UGGT2: variants seen among roughly 807,000 people sequenced by gnomAD.
UGGT2 encodes UDP-glucose:glycoprotein glucosyltransferase 2.
A neutral mutation model predicts 192.1 loss-of-function variants in UGGT2; 180 were observed. The observed-to-expected ratio is 0.94, with a 90% confidence interval of 0.83 to 1.06. The LOEUF is 1.06. Ranked by LOEUF, UGGT2 falls within the 50% of genes least tolerant of loss-of-function variation. UGGT2 has a pLI of 0.00. For synonymous variants in UGGT2, 580 were observed against 591.0 expected, an observed-to-expected ratio of 0.98 and a Z score of 0.27; for missense variants, 1,849 against 1,795.7, an observed-to-expected ratio of 1.03 and a Z score of -0.54.
chr13:95,887,104 A>G (rs929343715), intron 26 of UGGT2, among the ~76,000 whole-genome samples: 3 of 152,210 alleles, frequency 2.0e-5, no homozygotes, highest in Non-Finnish European at 2.9e-5. Context: ...CATCTATAGT[A>G]TGTCAGTTGT....
At chr13:95,941,030 G>T (rs1223170640) in intron 15 of UGGT2, among the ~76,000 whole-genome samples, 1 of 152,118 alleles carries the variant, frequency 6.6e-6, no homozygotes, top group African/African-American at 2.4e-5. Flanking sequence ...AGTACTTAGA[G>T]ATCCTCTATG....
At chr13:95,921,545 C>A (rs980785432) in intron 20 of UGGT2, among the ~76,000 whole-genome samples, 3 of 151,734 alleles carry the variant, frequency 2.0e-5, no homozygotes, top group African/African-American at 7.3e-5. Context: ...AAAAAAGAAA[C>A]ATTAACTGGC....
At chr13:95,946,520 C>T (rs776360592) in intron 15 of UGGT2, among the ~76,000 whole-genome samples, 2 of 152,212 alleles carry the variant, frequency 1.3e-5, no homozygotes. Context: ...AGGCATGTGC[C>T]GCTGCACCTG....
At chr13:95,812,047 G>T (rs984186292) in intron 38 of UGGT2, among the ~76,000 whole-genome samples, 2 of 152,068 alleles carry the variant, frequency 1.3e-5, no homozygotes, top group South Asian at 2.1e-4. Context: ...TAAATGAAAG[G>T]TTAGCAAACT....
intron 7 of UGGT2, chr13:95,990,297 G>A (rs1043812819): frequency 3.8e-6 from 1 of 264,468 alleles, no homozygotes; most frequent in South Asian, 1.0e-4. Flanking sequence ...ACAAAATCTG[G>A]AGGAATATAC....
At chr13:95,834,589 A>C (rs1158791574) in intron 37 of UGGT2, among the ~76,000 whole-genome samples, 1 of 151,992 alleles carries the variant, frequency 6.6e-6, no homozygotes, top group Non-Finnish European at 1.5e-5. Flanking sequence ...TTCCTTGGGA[A>C]TTTTCTGCAT....
chr13:96,044,285 G>A (rs1352474937), intron 1 of UGGT2, among the ~76,000 whole-genome samples: 1 of 152,100 alleles, frequency 6.6e-6, no homozygotes, highest in Non-Finnish European at 1.5e-5. Context: ...AAATCAAGAT[G>A]GAAATTTAAA....
At chr13:95,846,341 C>T (rs984452490) in intron 36 of UGGT2, among the ~76,000 whole-genome samples, 3 of 151,158 alleles carry the variant, frequency 2.0e-5, no homozygotes, top group Admixed American at 6.6e-5. Flanking sequence ...AGGAGAATCA[C>T]GCAGGGAAGT....
intron 13 of UGGT2, among the ~76,000 whole-genome samples, 157 bp downstream of exon 13, chr13:95,949,178 T>C (rs1306478875): frequency 1.3e-5 from 2 of 152,222 alleles, no homozygotes; most frequent in East Asian, 1.9e-4. Flanking sequence ...TGGCTAGTTG[T>C]TGATACCCAG....
intron 31 of UGGT2, among the ~76,000 whole-genome samples, chr13:95,861,152 G>T (rs1207112403): frequency 6.6e-6 from 1 of 151,952 alleles, no homozygotes; most frequent in Non-Finnish European, 1.5e-5. Flanking sequence ...GTTGCCAAAG[G>T]TTGTTTTCAG....
chr13:95,981,149 A>C (rs1435213492), intron 10 of UGGT2, among the ~76,000 whole-genome samples: 1 of 152,140 alleles, frequency 6.6e-6, no homozygotes. Context: ...CAGTACCCCC[A>C]AGTGAGAAAA....
chr13:95,937,013 G>A lies in UGGT2; in HGVS notation c.1888C>T (p.His630Tyr). ...AGTTCTTTAATATTCATCTCTTCATGTTTAAAGGGTTCACCATTATAAAGA... is the reference window on the plus strand; with the variant it reads ...AGTTCTTTAATATTCATCTCTTCATATTTAAAGGGTTCACCATTATAAAGA... ...QALYNGEPFK[H>Y]EEMNIKELKM... The change falls in exon 17 of 39, where the codon CAT becomes TAT. Residue 630 changes from histidine (H) to tyrosine (Y), a missense_variant. His to Tyr is a moderately conservative substitution (Grantham distance 83). Transcript: ENST00000376747. 6.2e-7 allele frequency: 1 copy of A among 1,606,130 alleles called. No homozygotes were observed. Among genetic ancestry groups the A allele is most frequent in the African/African-American group, 1.3e-5 (1 of 74,420 alleles).
At chr13:95,804,649 T>A (rs1403643666) in intron 38 of UGGT2, among the ~76,000 whole-genome samples, 1 of 152,140 alleles carries the variant, frequency 6.6e-6, no homozygotes, top group Non-Finnish European at 1.5e-5. Flanking sequence ...GTGTATATGA[T>A]CAATTCATCT....
At chr13:95,972,480 T>C (rs2050803249) in intron 11 of UGGT2, 100 bp downstream of exon 11, 4 of 1,089,102 alleles carry the variant, frequency 3.7e-6, no homozygotes, top group Non-Finnish European at 4.0e-6. Flanking sequence ...CATGTATTTA[T>C]CTTTAAAGTG....
chr13:96,050,124 A>G (rs911022116), intron 1 of UGGT2, among the ~76,000 whole-genome samples: 1 of 152,352 alleles, frequency 6.6e-6, no homozygotes. Flanking sequence ...ACTGGTGCCA[A>G]AATAGAGATA....
At chr13:95,962,308 A>C (rs563620729) in intron 12 of UGGT2, among the ~76,000 whole-genome samples, 1 of 152,246 alleles carries the variant, frequency 6.6e-6, no homozygotes, top group African/African-American at 2.4e-5. Context: ...GAAAAGATAA[A>C]CCACTTGATA....
chr13:95,956,022 CT>C (rs1267252659), intron 12 of UGGT2, among the ~76,000 whole-genome samples: 2 of 152,184 alleles, frequency 1.3e-5, no homozygotes, highest in African/African-American at 4.8e-5. Context: ...ATCTGGCACT[CT>C]GCTCAATAAA....
chr13:95,927,466 C>CTTTTTTT (rs1566709199), intron 17 of UGGT2, 130 bp from the exon 18 acceptor site: 1 of 569,648 alleles, frequency 1.8e-6, no homozygotes. Flanking sequence ...AATACATTTT[C>CTTTTTTT]TTTCTTTTTT....
At chr13:95,824,919 C>T (rs1885867046) in intron 38 of UGGT2, among the ~76,000 whole-genome samples, 3 of 152,010 alleles carry the variant, frequency 2.0e-5, no homozygotes. Flanking sequence ...TCTAATTGTT[C>T]TTTATTTTTT....
Sources: allele counts gnomAD v4.1 joint callset (sites outside exome capture counted in the v4.1 genomes callset), GRCh38; gene constraint gnomAD v4.1.1; transcripts MANE v1.5; gene names NCBI Gene and HGNC (gene_info 2026-07-23, HGNC 2026-07-21).